Variants in DNAJC15 observed in about 807,000 individuals in gnomAD.
DNAJC15 encodes the protein dnaJ homolog subfamily C member 15.
A neutral mutation model predicts 22.4 loss-of-function variants in DNAJC15; 27 were observed. The observed-to-expected ratio is 1.20, with a 90% CI of 0.89 to 1.66. The LOEUF (loss-of-function observed/expected upper bound fraction) is 1.66, where lower values mean the gene tolerates loss of function less well. Among genes scored for constraint, DNAJC15 ranks in the 40% most tolerant of loss-of-function variants. DNAJC15 has a pLI of 0.00. For missense variants in DNAJC15, 208 were observed against 187.1 expected, an observed-to-expected ratio of 1.11 and a Z score of -0.65; for synonymous variants, 79 against 63.2, an observed-to-expected ratio of 1.25 and a Z score of -1.19.
intron 1 of DNAJC15, among the ~76,000 whole-genome samples, chr13:43,047,490 G>A (rs370845273): frequency 6.6e-6 from 1 of 151,968 alleles, no homozygotes; most frequent in African/African-American, 2.4e-5. Flanking sequence ...AATAATATGA[G>A]AATGAAAAAA....
At chr13:43,098,332 A>G (rs1377543927) in intron 5 of DNAJC15, among the ~76,000 whole-genome samples, 1 of 152,210 alleles carries the variant, frequency 6.6e-6, no homozygotes, top group Non-Finnish European at 1.5e-5. Flanking sequence ...AAGCTACAGC[A>G]GTGGAAAAAG....
In DNAJC15 at chr13:43,109,901, AGAGAAT is replaced by A; in HGVS notation, c.*2654_*2659del. ...AAATCCTGTCAAATAAGGTTATAGT[AGAGAAT>A]AAGGATGTGTAAAGCATTTAGTCAC... On this transcript the variant is annotated 3_prime_UTR_variant, in exon 6 of 6. Coordinates refer to ENST00000379221, the MANE Select transcript of DNAJC15 (RefSeq NM_013238.3). The A allele has an allele frequency of 6.6e-6, 1 of 152,208 alleles. No individual in the cohort carries two copies. The highest frequency in any genetic ancestry group is 1.5e-5 in the Non-Finnish European group (1 of 68,034). The allele number at this position is 152,208 out of a possible 1,614,324, so 9.4% of individuals were successfully genotyped here.
chr13:43,092,491 TAC>T (rs765654116), intron 5 of DNAJC15, among the ~76,000 whole-genome samples: 54 of 142,188 alleles, frequency 3.8e-4, no homozygotes, highest in East Asian at 7.8e-4. Context: ...TATATACATA[TAC>T]ACACACACAT....
intron 1 of DNAJC15, among the ~76,000 whole-genome samples, chr13:43,044,498 G>A (rs941274080): frequency 6.6e-6 from 1 of 152,094 alleles, no homozygotes; most frequent in African/African-American, 2.4e-5. Context: ...GCAGCAAAAG[G>A]CAGTTAGTGT....
Position 43,065,692 on chromosome 13 carries a change from A to G in DNAJC15, c.115A>G (p.Ser39Gly). ...ADVDQQRLVR[S>G]LIAVGLGVAA... ...TTCATTTTTTCTTCCATAGGTAAGA[A>G]GTTTGATAGCTGTAGGACTGGGTGT... is the stretch of plus-strand genomic sequence containing the variant. The change falls in exon 2 of 6, where the codon AGT becomes GGT. Residue 39 changes from serine to glycine, a missense_variant. Transcript: ENST00000379221. 6.2e-7 allele frequency: 1 copy of G among 1,612,992 alleles called. No homozygotes were observed. Among genetic ancestry groups the G allele is most frequent in the South Asian group, 1.1e-5 (1 of 90,992 alleles).
At chr13:43,087,775 C>T (rs2040696222) in intron 5 of DNAJC15, among the ~76,000 whole-genome samples, 1 of 152,154 alleles carries the variant, frequency 6.6e-6, no homozygotes, top group Admixed American at 6.5e-5. Context: ...TTACACATTT[C>T]ATTATCAGCT....
At chr13:43,046,384 A>C (rs2040477089) in intron 1 of DNAJC15, among the ~76,000 whole-genome samples, 1 of 151,952 alleles carries the variant, frequency 6.6e-6, no homozygotes, top group Non-Finnish European at 1.5e-5. Flanking sequence ...GCTACAAGAG[A>C]CATCTCGGTG....
At chr13:43,093,188 C>A (rs2040723532) in intron 5 of DNAJC15, among the ~76,000 whole-genome samples, 1 of 148,964 alleles carries the variant, frequency 6.7e-6, no homozygotes, top group Non-Finnish European at 1.5e-5. Context: ...GTATCTTTTC[C>A]ATCTTCCCTC....
chr13:43,103,801 A>G (rs937758455), intron 5 of DNAJC15, among the ~76,000 whole-genome samples: 1 of 151,970 alleles, frequency 6.6e-6, no homozygotes, highest in South Asian at 2.1e-4. Flanking sequence ...TTTCCTTTGT[A>G]TATTTTGAGG....
rs967073598 is a variant in DNAJC15, at chr13:43,078,609, CA to C, written c.235-2del. The C allele has an allele frequency of 1.6e-5, 25 of 1,611,688 alleles. No individual in the cohort carries two copies. Among genetic ancestry groups the C allele is most frequent in the Middle Eastern group, 1.6e-4 (1 of 6,068 alleles). ...GATTTCTTGCTCTTTCTTTCCTATA[CA>C]GAGCTTTTCATCCTACTATAAAGGA... is the stretch of plus-strand genomic sequence containing the variant. On this transcript the variant is annotated splice_acceptor_variant, in intron 3 of 5. Transcript: ENST00000379221. LOFTEE classifies it high-confidence loss of function.
At chr13:43,054,876 A>T (rs1385658070) in intron 1 of DNAJC15, among the ~76,000 whole-genome samples, 2 of 152,140 alleles carry the variant, frequency 1.3e-5, no homozygotes, top group African/African-American at 4.8e-5. Context: ...AGTTCAAAGA[A>T]ATCACTTCTC....
rs1227955736 is a variant in DNAJC15 at position 43,107,224 on chromosome 13, G to A, written c.429G>A (p.Leu143=). ...CCAAAATAAATGAAGCAAAAGACTT[G>A]CTAGAAACAACCACCAAACATTGAT... ...VAAKINEAKD[L]LETTTKH Residue 143 remains leucine (L), a synonymous_variant, in exon 6 of 6, where the codon TTG becomes TTA. Coordinates refer to ENST00000379221, the MANE Select transcript of DNAJC15 (RefSeq NM_013238.3). 6.3e-7 allele frequency: 1 copy of A among 1,589,278 alleles called. No individual in the cohort carries two copies. The highest frequency in any genetic ancestry group is 1.4e-5 in the African/African-American group (1 of 72,902).
At chr13:43,033,079 A>T (rs1328496511) in intron 1 of DNAJC15, among the ~76,000 whole-genome samples, 1 of 152,226 alleles carries the variant, frequency 6.6e-6, no homozygotes, top group Admixed American at 6.5e-5. Flanking sequence ...TCACTATCAC[A>T]GGAATAGCAC....
chr13:43,083,575 T>A (rs1163590551), intron 4 of DNAJC15, among the ~76,000 whole-genome samples: 3 of 152,108 alleles, frequency 2.0e-5, no homozygotes, highest in South Asian at 2.1e-4. Flanking sequence ...CTAGAAAACA[T>A]AAGTAATAAA....
intron 1 of DNAJC15, among the ~76,000 whole-genome samples, chr13:43,065,009 A>G (rs2040576709): frequency 6.6e-6 from 1 of 151,834 alleles, no homozygotes; most frequent in African/African-American, 2.4e-5. Flanking sequence ...GAGGATTACC[A>G]TTGATCCTTG....
intron 2 of DNAJC15, among the ~76,000 whole-genome samples, chr13:43,067,273 TCAA>T (rs1352753892): frequency 6.6e-6 from 1 of 152,168 alleles, no homozygotes; most frequent in East Asian, 1.9e-4. Flanking sequence ...ATGAAACACT[TCAA>T]CAATCAGAAC....
chr13:43,075,470 T>G (rs2040629224), intron 3 of DNAJC15, among the ~76,000 whole-genome samples: 1 of 152,220 alleles, frequency 6.6e-6, no homozygotes, highest in Admixed American at 6.5e-5. Flanking sequence ...TTGAAATATT[T>G]TTTTCCTGAA....
At chr13:43,052,016 G>T (rs940461021) in intron 1 of DNAJC15, among the ~76,000 whole-genome samples, 8 of 152,100 alleles carry the variant, frequency 5.3e-5, no homozygotes, top group Non-Finnish European at 1.2e-4. Flanking sequence ...CCAGGCTGGA[G>T]TGCAGTGGCG....
chr13:43,070,357 A>G (rs9533377), intron 3 of DNAJC15, among the ~76,000 whole-genome samples: 34,660 of 152,002 alleles, frequency 0.23, 4,543 homozygotes, highest in Non-Finnish European at 0.31. Context: ...TTCTTTGAGC[A>G]CCTACTACAT....
Sources: allele counts gnomAD v4.1 joint callset (sites outside exome capture counted in the v4.1 genomes callset), GRCh38; gene constraint gnomAD v4.1.1; transcripts MANE v1.5; gene names NCBI Gene and HGNC (gene_info 2026-07-23, HGNC 2026-07-21).